MARCHF1: variants seen among roughly 807,000 people sequenced by gnomAD.
The protein encoded by MARCHF1 is E3 ubiquitin-protein ligase MARCHF1.
In MARCHF1, 40 loss-of-function variants were observed where a neutral mutation model predicts 54.2. The ratio of observed to expected loss-of-function variants is 0.74; its 90% CI spans 0.57 to 0.96. MARCHF1 has a LOEUF of 0.96. Ranked by LOEUF, MARCHF1 falls within the 40% of genes least tolerant of loss-of-function variation. MARCHF1 has a pLI of 0.00. For missense variants in MARCHF1, 586 were observed against 656.5 expected, an observed-to-expected ratio of 0.89 and a Z score of 1.17; for synonymous variants, 236 against 236.3, an observed-to-expected ratio of 1.00 and a Z score of 0.01.
chr4:163,650,410 G>C (rs910279442), intron 5 of MARCHF1, among the ~76,000 whole-genome samples: 37 of 152,046 alleles, frequency 2.4e-4, no homozygotes, highest in Middle Eastern at 3.4e-3. Context: ...TTGAATTCCT[G>C]CTCTGCCATT....
chr4:163,544,467 C>T (rs1010262124), intron 9 of MARCHF1, among the ~76,000 whole-genome samples: 2 of 152,166 alleles, frequency 1.3e-5, no homozygotes, highest in Admixed American at 6.5e-5. Flanking sequence ...CTCTTTGACG[C>T]ACAGAAACCC....
intron 4 of MARCHF1, among the ~76,000 whole-genome samples, chr4:163,781,122 G>T (rs532781662): frequency 1.3e-4 from 20 of 152,170 alleles, no homozygotes; most frequent in Non-Finnish European, 2.2e-4. Context: ...GGGGCGGGGG[G>T]GGTGGATCAC....
intron 1 of MARCHF1, chr4:164,197,103 G>A (rs537870223): frequency 1.2e-5 from 19 of 1,604,676 alleles, no homozygotes; most frequent in African/African-American, 4.0e-5. Flanking sequence ...CATCCTCCTC[G>A]TCCCCTCCAC....
At chr4:164,283,122 C>G (rs752135778) in intron 1 of MARCHF1, among the ~76,000 whole-genome samples, 1 of 151,200 alleles carries the variant, frequency 6.6e-6, no homozygotes, top group Non-Finnish European at 1.5e-5. Flanking sequence ...CCAATCCTTA[C>G]TACATCCCCA....
chr4:164,171,951 G>A (rs1467993837), intron 1 of MARCHF1, among the ~76,000 whole-genome samples: 4 of 152,166 alleles, frequency 2.6e-5, no homozygotes, highest in Non-Finnish European at 2.9e-5. Context: ...TGGGTAAAAT[G>A]TATAGTTGAG....
At chr4:163,983,059 A>G (rs1444485022) in intron 3 of MARCHF1, among the ~76,000 whole-genome samples, 2 of 152,194 alleles carry the variant, frequency 1.3e-5, no homozygotes. Context: ...AGAAGCAAAC[A>G]TGGATGACGT....
In MARCHF1 at chr4:163,894,933, T is replaced by TATATATATGCATGTGATGC. The variant is rs1750767973; in HGVS notation, c.-38-40765_-38-40764insGCATCACATGCATATATAT. Among the ~76,000 whole-genome samples, 22 of 7,076 alleles carry TATATATATGCATGTGATGC rather than the reference T, an allele frequency of 3.1e-3. 6 individuals carry two copies. In the South Asian group the frequency reaches 0.041, roughly 13 times the overall value. The allele number at this position is 7,076 out of a possible 152,430, so 4.6% of individuals were successfully genotyped here. On this transcript the variant is annotated intron_variant, in intron 3 of 9. Coordinates refer to ENST00000514618, the MANE Select transcript of MARCHF1 (RefSeq NM_001394959.1). Reference sequence around the variant, plus strand: ...TATATATATATATGCATGTGATGCATATATATATATGCATGTGATGCATAT... The same window carrying TATATATATGCATGTGATGC: ...TATATATATATATGCATGTGATGCATATATATATGCATGTGATGCATATATATATGCATGTGATGCATAT...
chr4:164,030,975 G>C (rs1457846868), intron 2 of MARCHF1, among the ~76,000 whole-genome samples: 1 of 152,126 alleles, frequency 6.6e-6, no homozygotes, highest in African/African-American at 2.4e-5. Context: ...AGTGGGCTGA[G>C]ACAATGGGGT....
At chr4:163,933,817 G>A (rs1331412560) in intron 3 of MARCHF1, among the ~76,000 whole-genome samples, 1 of 152,178 alleles carries the variant, frequency 6.6e-6, no homozygotes, top group East Asian at 1.9e-4. Context: ...ACATATTATG[G>A]AGGTCATATA....
At chr4:164,007,669 TG>T (rs1362691222) in intron 2 of MARCHF1, among the ~76,000 whole-genome samples, 1 of 151,850 alleles carries the variant, frequency 6.6e-6, no homozygotes, top group African/African-American at 2.4e-5. Flanking sequence ...TGTGTGTGTG[TG>T]TGTGTGTGTG....
chr4:163,887,856 G>A (rs771233502), intron 3 of MARCHF1, among the ~76,000 whole-genome samples: 2 of 152,064 alleles, frequency 1.3e-5, no homozygotes, highest in Non-Finnish European at 2.9e-5. Context: ...ATTCAAATAG[G>A]TACAGACTCT....
chr4:164,342,821 A>T (rs1729968704), intron 1 of MARCHF1, among the ~76,000 whole-genome samples: 1 of 152,128 alleles, frequency 6.6e-6, no homozygotes, highest in Non-Finnish European at 1.5e-5. Context: ...ACAAAGAAGG[A>T]AATGTTGCAA....
intron 1 of MARCHF1, among the ~76,000 whole-genome samples, chr4:164,292,222 T>G (rs1734299961): frequency 2.6e-5 from 4 of 152,176 alleles, no homozygotes; most frequent in Admixed American, 2.6e-4. Flanking sequence ...TTTTACCAAC[T>G]CATCTTGAAA....
Position 163,714,913 on chromosome 4 carries a change from C to G in MARCHF1, c.112-14050G>C, listed in dbSNP as rs369968678. Among the ~76,000 whole-genome samples, 16 of 152,184 alleles carry G rather than the reference C, an allele frequency of 1.1e-4. No homozygotes were observed. In the East Asian group the frequency reaches 1.5e-3, roughly 15 times the overall value. ...CCCAGGCTGGTCTTGAACTCCTGGC[C>G]TCAAGTAATTTTCCTGCCTCAGCCT... On this transcript the variant is annotated intron_variant, in intron 4 of 9. Transcript: ENST00000514618.
At chr4:163,684,664 A>G (rs1314086721) in intron 5 of MARCHF1, among the ~76,000 whole-genome samples, 1 of 152,166 alleles carries the variant, frequency 6.6e-6, no homozygotes, top group Non-Finnish European at 1.5e-5. Context: ...TTGCTTAAGT[A>G]CTCAATAGCC....
intron 4 of MARCHF1, among the ~76,000 whole-genome samples, chr4:163,792,854 C>T (rs962294136): frequency 2.0e-5 from 3 of 152,120 alleles, no homozygotes; most frequent in Non-Finnish European, 4.4e-5. Flanking sequence ...AAATGTGAAG[C>T]AGGGAAAAAA....
chr4:163,726,562 A>G (rs1235544279), intron 4 of MARCHF1, among the ~76,000 whole-genome samples: 1 of 152,180 alleles, frequency 6.6e-6, no homozygotes, highest in Non-Finnish European at 1.5e-5. Flanking sequence ...CAAAGCTGCT[A>G]TATGCATTCA....
chr4:163,702,101 G>A (rs1052549841), intron 4 of MARCHF1, among the ~76,000 whole-genome samples: 7 of 152,172 alleles, frequency 4.6e-5, no homozygotes, highest in Non-Finnish European at 8.8e-5. Context: ...CAGCTGAACA[G>A]TACTTTTTCC....
At chr4:164,088,737 T>C (rs978089791) in intron 2 of MARCHF1, among the ~76,000 whole-genome samples, 6 of 151,932 alleles carry the variant, frequency 3.9e-5, no homozygotes, top group African/African-American at 1.5e-4. Context: ...AGTCTCTACC[T>C]CAGAAAAATT....
Sources: gnomAD v4.1 joint callset for allele counts (sites outside exome capture counted in the v4.1 genomes callset) on GRCh38, gnomAD v4.1.1 for gene constraint, MANE v1.5 for transcripts, NCBI Gene and HGNC (gene_info 2026-07-23, HGNC 2026-07-21) for gene names.